The following PSKH2 variants were observed in gnomAD, a reference collection of about 807,000 sequenced individuals.
PSKH2 encodes the protein protein serine kinase H2.
A neutral mutation model predicts 22.5 loss-of-function variants in PSKH2; 16 were observed. That is an observed-to-expected ratio of 0.71 (90% CI 0.48 to 1.08). The LOEUF (loss-of-function observed/expected upper bound fraction) is 1.08. Ranked by LOEUF, PSKH2 falls within the 50% of genes least tolerant of loss-of-function variation. The pLI is 0.00. For missense variants in PSKH2, 516 were observed against 492.8 expected (o/e 1.05, Z -0.44); for synonymous variants, 188 against 184.8 (o/e 1.02, Z -0.14).
intron 1 of PSKH2, among the ~76,000 whole-genome samples, chr8:86,065,623 A>C (rs1393758266): frequency 1.3e-5 from 2 of 152,208 alleles, no homozygotes; most frequent in East Asian, 3.9e-4. Context: ...ATATCAGCTC[A>C]GATTTCAAAT....
At chr8:86,050,935 G>T (rs974676346) in intron 2 of PSKH2, among the ~76,000 whole-genome samples, 3 of 151,954 alleles carry the variant, frequency 2.0e-5, no homozygotes, top group East Asian at 1.9e-4. Context: ...TAGAGATGGG[G>T]TCTTGTTATA....
intron 2 of PSKH2, among the ~76,000 whole-genome samples, chr8:86,052,477 G>A (rs1447392232): frequency 4.6e-5 from 7 of 152,134 alleles, no homozygotes; most frequent in Admixed American, 3.9e-4. Flanking sequence ...CAGAAAAATG[G>A]GGATCATCAT....
chr8:86,049,284 C>G (rs1441847314), intron 2 of PSKH2, among the ~76,000 whole-genome samples: 1 of 152,088 alleles, frequency 6.6e-6, no homozygotes, highest in African/African-American at 2.4e-5. Flanking sequence ...CTGAGCCAGG[C>G]ACAGTAGCTC....
At position 86,048,780 on chromosome 8, in the gene PSKH2, A is replaced by C; in HGVS notation, c.853-13T>G. ...TGCTTGGCCAAGGCTGAGAATAAAA[A>C]TAAATAAGTTAGAATAAAATAAATA... is the stretch of plus-strand genomic sequence containing the variant. On this transcript the variant is annotated splice_polypyrimidine_tract_variant and intron_variant, in intron 2 of 2. Transcript: ENST00000276616. The C allele has an allele frequency of 1.3e-6, 2 of 1,576,886 alleles. No individual in the cohort carries two copies. Among genetic ancestry groups the C allele is most frequent in the Non-Finnish European group, 1.7e-6 (2 of 1,158,230 alleles).
intron 2 of PSKH2, among the ~76,000 whole-genome samples, chr8:86,050,890 ATGTTTTGTTTTTTGT>A (rs1817621081): frequency 6.6e-6 from 1 of 151,886 alleles, no homozygotes; most frequent in South Asian, 2.1e-4. Flanking sequence ...TATTAACTCT[ATGTTTTGTTTTTTGT>A]TGTTTTGTTT....
At chr8:86,052,857 C>T (rs1381162087) in intron 2 of PSKH2, among the ~76,000 whole-genome samples, 3 of 152,134 alleles carry the variant, frequency 2.0e-5, no homozygotes, top group Non-Finnish European at 2.9e-5. Flanking sequence ...AGGCCTTTTT[C>T]CCCTTTTCTT....
Position 86,049,675 on chromosome 8 carries a change from GAAGA to G in PSKH2, c.853-912_853-909del, listed in dbSNP as rs1156489675. Among the ~76,000 whole-genome samples the G allele has an allele frequency of 5.8e-3, 618 of 105,974 alleles. 9 individuals are homozygous for G. Among genetic ancestry groups the G allele is most frequent in the African/African-American group, 6.4e-3 (167 of 26,084 alleles). 69.5% of individuals were successfully genotyped at this position (105,974 alleles called of 152,430 possible). A position where few individuals can be genotyped will look rare whatever the true frequency, so the allele number is the denominator to read the frequency against. ...AGAGAGAGAGAGAAAGAGTGAGAAA[GAAGA>G]AAGAAAGAAAGAAAGAAAGAAAGAA... is the stretch of plus-strand genomic sequence containing the variant. On this transcript the variant is annotated intron_variant, in intron 2 of 2. Coordinates refer to ENST00000276616, the MANE Select transcript of PSKH2 (RefSeq NM_033126.3).
At chr8:86,063,160 A>G (rs1817803029) in intron 2 of PSKH2, among the ~76,000 whole-genome samples, 1 of 152,214 alleles carries the variant, frequency 6.6e-6, no homozygotes, top group Non-Finnish European at 1.5e-5. Flanking sequence ...CAGAGTGTAG[A>G]AAACATTATA....
In PSKH2 at chr8:86,069,644, C is replaced by T. The variant is rs750978519; in HGVS notation, c.-22G>A. On this transcript the variant is annotated 5_prime_UTR_variant, in exon 1 of 3. Transcript: ENST00000276616. ...CCATACCCGCAACACGCCCGCCGCT[C>T]GCGGGACCTGGGGACTCGGGAAGCA... 6 of 1,518,042 alleles carry T rather than the reference C, an allele frequency of 4.0e-6. No homozygotes were observed. The highest frequency in any genetic ancestry group is 2.6e-6 in the Non-Finnish European group (3 of 1,138,416). The allele number at this position is 1,518,042 out of a possible 1,614,324, so 94.0% of individuals were successfully genotyped here.
intron 2 of PSKH2, among the ~76,000 whole-genome samples, chr8:86,056,954 G>A (rs181100149): frequency 0.012 from 1,800 of 149,050 alleles, 27 homozygotes; most frequent in African/African-American, 0.042. Context: ...GTTGCTTAGA[G>A]AGAAGGTCTC....
Position 86,064,475 on chromosome 8 carries a change from C to A in PSKH2, c.342G>T (p.Arg114=), listed in dbSNP as rs1217742299. Residue 114 remains arginine (R), a synonymous_variant, in exon 2 of 3, where the codon CGG becomes CGT. Transcript: ENST00000276616. ...GCTGGACAATGTAACGATGGCTAAC[C>A]CGCCGCAGGACGCTCAGCTCAGACA... ...ACVSELSVLR[R]VSHRYIVQLM... 7 of 1,614,052 alleles carry A rather than the reference C, an allele frequency of 4.3e-6. No individual in the cohort carries two copies. The highest frequency in any genetic ancestry group is 5.9e-6 in the Non-Finnish European group (7 of 1,180,018).
chr8:86,059,631 C>T (rs1601151), intron 2 of PSKH2, among the ~76,000 whole-genome samples: 44,802 of 152,044 alleles, frequency 0.29, 7,774 homozygotes, highest in East Asian at 0.49. Flanking sequence ...CGTATTGGGC[C>T]TCCAAGATTA....
chr8:86,050,045 T>C (rs1247730953), intron 2 of PSKH2, among the ~76,000 whole-genome samples: 1 of 151,916 alleles, frequency 6.6e-6, no homozygotes, highest in Non-Finnish European at 1.5e-5. Flanking sequence ...CAGTACAATA[T>C]GCACAGCTAA....
At chr8:86,062,486 T>C (rs1235282298) in intron 2 of PSKH2, among the ~76,000 whole-genome samples, 2 of 152,176 alleles carry the variant, frequency 1.3e-5, no homozygotes, top group Non-Finnish European at 2.9e-5. Context: ...TCCCCGTGTG[T>C]CAGGAGGGGA....
rs749370164 is a variant in PSKH2 at position 86,048,582 on chromosome 8, G to A, written c.1038C>T (p.Pro346=). Residue 346 remains proline, a synonymous_variant, in exon 3 of 3, where the codon CCC becomes CCT. Coordinates refer to ENST00000276616, the MANE Select transcript of PSKH2 (RefSeq NM_033126.3). ...ISRNLMQRAS[P]HSQSPGSAQS... is the part of the protein sequence containing the mutation. The stretch of plus-strand genomic sequence containing the variant: ...GTGCAGATCCAGGACTCTGAGAGTG[G>A]GGAGAGGCCCTCTGCATGAGGTTTC... 6.2e-6 allele frequency: 10 copies of A among 1,613,980 alleles called. No individual in the cohort carries two copies. The East Asian group carries it at 8.9e-5, about 14-fold the overall frequency.
At chr8:86,056,832 T>C (rs188615788) in intron 2 of PSKH2, among the ~76,000 whole-genome samples, 128 of 151,754 alleles carry the variant, frequency 8.4e-4, no homozygotes, top group African/African-American at 2.8e-3. Context: ...CTTTTAAATG[T>C]CCAAAGTTAC....
At position 86,064,537 on chromosome 8, in the gene PSKH2, T is replaced by C; in HGVS notation, c.280A>G (p.Met94Val). ...TTKKPFAIKV[M>V]ETREREGREA... is the part of the protein sequence containing the mutation. Reference sequence around the variant, plus strand: ...CTACCTTCCCTCTCTCTGGTTTCCATCACTTTTATTGCAAAAGGTTTCTTG... The same window carrying C: ...CTACCTTCCCTCTCTCTGGTTTCCACCACTTTTATTGCAAAAGGTTTCTTG... Residue 94 changes from methionine to valine, a missense_variant, in exon 2 of 3, where the codon ATG (methionine) becomes GTG (valine). Transcript: ENST00000276616. 6.2e-7 allele frequency: 1 copy of C among 1,613,964 alleles called. No individual in the cohort carries two copies. The highest frequency in any genetic ancestry group is 8.5e-7 in the Non-Finnish European group (1 of 1,180,000).
At chr8:86,060,411 T>C (rs936022992) in intron 2 of PSKH2, among the ~76,000 whole-genome samples, 10 of 151,996 alleles carry the variant, frequency 6.6e-5, no homozygotes, top group Non-Finnish European at 1.0e-4. Flanking sequence ...TGGTTTTAAA[T>C]AAAATTGGTA....
intron 2 of PSKH2, among the ~76,000 whole-genome samples, chr8:86,054,867 A>G (rs1817678350): frequency 6.6e-6 from 1 of 152,202 alleles, no homozygotes; most frequent in Middle Eastern, 3.2e-3. Flanking sequence ...AAATTTAAGT[A>G]AAATTGGGTA....
Sources: allele counts gnomAD v4.1 joint callset (sites outside exome capture counted in the v4.1 genomes callset), GRCh38; gene constraint gnomAD v4.1.1; transcripts MANE v1.5; gene names NCBI Gene and HGNC (gene_info 2026-07-23, HGNC 2026-07-21).